The following PARP4 variants were observed in gnomAD, a reference collection of about 807,000 sequenced individuals.
The protein encoded by PARP4 is protein mono-ADP-ribosyltransferase PARP4.
In PARP4, 120 loss-of-function variants were observed where a neutral mutation model predicts 187.7. The observed-to-expected ratio is 0.64, with a 90% CI of 0.55 to 0.74. PARP4 has a LOEUF of 0.74. Ranked by LOEUF, PARP4 falls within the 30% of genes least tolerant of loss-of-function variation. PARP4 has a pLI of 0.00. For missense variants in PARP4, 1,836 were observed against 2,070.5 expected (o/e 0.89, Z 2.20); for synonymous variants, 654 against 740.9 (o/e 0.88, Z 1.90).
At chr13:24,446,871 A>G (rs1871235919) in intron 26 of PARP4, 110 bp from the exon 27 acceptor site, 2 of 1,372,538 alleles carry the variant, frequency 1.5e-6, no homozygotes, top group African/African-American at 2.9e-5. Context: ...AAAAACTAGA[A>G]GCCTCCCCAA....
In PARP4 at chr13:24,449,830, C is replaced by G. The variant is rs757663078; in HGVS notation, c.3015-13G>C. 1 of 1,500,952 alleles carries G rather than the reference C, an allele frequency of 6.7e-7. No homozygotes were observed. The highest frequency in any genetic ancestry group is 9.2e-7 in the Non-Finnish European group (1 of 1,081,656). The allele number at this position is 1,500,952 out of a possible 1,614,324, so 93.0% of individuals were successfully genotyped here. A position where few individuals can be genotyped will look rare whatever the true frequency, so the allele number is the denominator to read the frequency against. The stretch of plus-strand genomic sequence containing the variant: ...ATTTGCTGTAGAACTGATCACATTT[C>G]ACATGTTTTAATTTTGAAGACATTA... On this transcript the variant is annotated splice_polypyrimidine_tract_variant and intron_variant, in intron 24 of 33. Coordinates refer to ENST00000381989, the MANE Select transcript of PARP4 (RefSeq NM_006437.4).
chr13:24,442,091 CCG>C (rs1252867378), intron 29 of PARP4, 123 bp from the exon 30 acceptor site: 3 of 1,187,692 alleles, frequency 2.5e-6, no homozygotes, highest in Non-Finnish European at 3.4e-6. Context: ...GGAGCTTGTG[CCG>C]TGGGCCACAA....
At chr13:24,494,796 G>T (rs4770700) in intron 6 of PARP4, 74 bp from the exon 7 acceptor site, 524,206 of 968,686 alleles carry the variant, frequency 0.54, 142,738 homozygotes, top group South Asian at 0.65. Context: ...AAATAAAGCA[G>T]TAGGTCCTTG....
At chr13:24,501,967 C>G (rs111920644) in intron 2 of PARP4, 133 bp from the exon 3 acceptor site, 3 of 608,286 alleles carry the variant, frequency 4.9e-6, no homozygotes, top group African/African-American at 3.7e-5. Context: ...TTCGAAAAAC[C>G]TCTATAAATA....
intron 31 of PARP4, among the ~76,000 whole-genome samples, chr13:24,432,111 A>C (rs1466928075): frequency 1.3e-5 from 2 of 152,190 alleles, no homozygotes; most frequent in Admixed American, 1.3e-4. Flanking sequence ...ATGTATTTTG[A>C]CATACGCATG....
At chr13:24,438,601 G>A (rs1870750685) in intron 30 of PARP4, among the ~76,000 whole-genome samples, 1 of 152,198 alleles carries the variant, frequency 6.6e-6, no homozygotes, top group Non-Finnish European at 1.5e-5. Context: ...GTGCTTTCAT[G>A]AGCGGGAGGG....
At chr13:24,501,182 G>A (rs1339546044) in intron 3 of PARP4, among the ~76,000 whole-genome samples, 2 of 152,110 alleles carry the variant, frequency 1.3e-5, no homozygotes, top group Non-Finnish European at 2.9e-5. Context: ...CATTTTTCAT[G>A]TCCAAAGGCT....
chr13:24,505,382 T>C (rs1046368113), intron 1 of PARP4, among the ~76,000 whole-genome samples: 2 of 149,508 alleles, frequency 1.3e-5, no homozygotes, highest in East Asian at 1.9e-4. Flanking sequence ...ATGATTTGTA[T>C]TGATTTGTAC....
intron 9 of PARP4, among the ~76,000 whole-genome samples, chr13:24,492,102 T>C (rs562768507): frequency 1.3e-5 from 2 of 152,324 alleles, no homozygotes; most frequent in African/African-American, 4.8e-5. Flanking sequence ...AATGTCCTTA[T>C]CGTTTAAGTC....
intron 30 of PARP4, among the ~76,000 whole-genome samples, chr13:24,439,844 C>T (rs371761157): frequency 2.6e-5 from 4 of 152,306 alleles, no homozygotes; most frequent in African/African-American, 9.6e-5. Context: ...CAGGTCACAG[C>T]CCCTCAGCTT....
In PARP4 at chr13:24,492,483, T is replaced by C; in HGVS notation, c.991A>G (p.Lys331Glu). Residue 331 changes from lysine (K) to glutamate (E), a missense_variant, in exon 9 of 34, where the codon AAA (lysine) becomes GAA (glutamate). Lys to Glu is a moderately conservative substitution (Grantham distance 56, BLOSUM62 1). This residue lies in a region of PARP4 where 1,147 missense variants were observed against 1,214.2 expected (regional missense o/e 0.94). Transcript: ENST00000381989. Reference sequence around the variant, plus strand: ...TTCACTTCTTTGGGCATTGTGCCTTTGTGAGGTATCAGTCTGTAAAACTCT... The same window carrying C: ...TTCACTTCTTTGGGCATTGTGCCTTCGTGAGGTATCAGTCTGTAAAACTCT... ...MTEFYRLIPH[K>E]GTMPKEVNLG... 6.2e-7 allele frequency: 1 copy of C among 1,614,126 alleles called. No individual in the cohort carries two copies. The highest frequency in any genetic ancestry group is 8.5e-7 in the Non-Finnish European group (1 of 1,179,970).
intron 30 of PARP4, 69 bp from the exon 31 acceptor site, chr13:24,435,543 TCTTC>T (rs1361208136): frequency 6.8e-7 from 1 of 1,475,786 alleles, no homozygotes; most frequent in Non-Finnish European, 9.0e-7. Context: ...AAGCAAACAT[TCTTC>T]CTAGCACTTG....
At chr13:24,450,697 C>T (rs1339966608) in intron 24 of PARP4, among the ~76,000 whole-genome samples, 1 of 152,124 alleles carries the variant, frequency 6.6e-6, no homozygotes, top group African/African-American at 2.4e-5. Context: ...TTTGTAATTG[C>T]AAACACATGC....
chr13:24,494,273 G>A (rs1270948232), intron 7 of PARP4, among the ~76,000 whole-genome samples: 1 of 152,176 alleles, frequency 6.6e-6, no homozygotes, highest in African/African-American at 2.4e-5. Flanking sequence ...ATAGCTCACT[G>A]TAACCTCGAA....
chr13:24,439,174 T>C (rs1479603722), intron 30 of PARP4, among the ~76,000 whole-genome samples: 2 of 151,954 alleles, frequency 1.3e-5, no homozygotes, highest in African/African-American at 2.4e-5. Context: ...AAAATTTCTA[T>C]AAACAGGCCA....
intron 28 of PARP4, 104 bp downstream of exon 28, chr13:24,443,546 T>G (rs1179790783): frequency 2.9e-6 from 2 of 701,720 alleles, no homozygotes; most frequent in Non-Finnish European, 5.0e-6. Flanking sequence ...GACACCAGTC[T>G]CCTTCTCCAC....
intron 30 of PARP4, among the ~76,000 whole-genome samples, chr13:24,437,368 G>A (rs1870685220): frequency 6.6e-6 from 1 of 152,008 alleles, no homozygotes; most frequent in East Asian, 1.9e-4. Flanking sequence ...GAAACACAAA[G>A]ATTAAAAATT....
intron 30 of PARP4, among the ~76,000 whole-genome samples, chr13:24,440,690 G>A (rs1464002416): frequency 6.6e-6 from 1 of 152,014 alleles, no homozygotes; most frequent in Non-Finnish European, 1.5e-5. Flanking sequence ...AGTGAAGCGC[G>A]GGCTGGGGTT....
At chr13:24,457,592 G>A (rs1024510851) in intron 20 of PARP4, among the ~76,000 whole-genome samples, 2 of 151,864 alleles carry the variant, frequency 1.3e-5, no homozygotes, top group African/African-American at 4.8e-5. Flanking sequence ...GCCAACATGG[G>A]AAACCCCGTC....
Sources: allele counts gnomAD v4.1 joint callset (sites outside exome capture counted in the v4.1 genomes callset), GRCh38; gene constraint gnomAD v4.1.1; regional missense constraint gnomAD v4.1.1; transcripts MANE v1.5; gene names NCBI Gene and HGNC (gene_info 2026-07-23, HGNC 2026-07-21).